Variants in ZNF578 observed in about 807,000 individuals in gnomAD.
ZNF578 encodes Putative chemokine-related protein B42.
ZNF578 carries 8 observed loss-of-function variants against 8.3 expected under a neutral mutation model. That is an observed-to-expected ratio of 0.96 (90% CI 0.56 to 1.74). The LOEUF (loss-of-function observed/expected upper bound fraction) is 1.74. ZNF578 is among the 40% of genes most tolerant of loss of function. The pLI is 0.00. For missense variants in ZNF578, 726 were observed against 707.5 expected (o/e 1.03, Z -0.30); for synonymous variants, 206 against 232.2 (o/e 0.89, Z 1.03).
intron 2 of ZNF578, among the ~76,000 whole-genome samples, chr19:52,483,655 A>G (rs1348356102): frequency 3.3e-5 from 5 of 152,080 alleles, no homozygotes; most frequent in Non-Finnish European, 4.4e-5. Context: ...CAGTTTATAA[A>G]TTTTCCCAGT....
intron 2 of ZNF578, among the ~76,000 whole-genome samples, chr19:52,471,945 T>TTACAAGG (rs11281209): frequency 6.6e-6 from 1 of 151,978 alleles, no homozygotes; most frequent in Non-Finnish European, 1.5e-5. Context: ...ATGTCACTAA[T>TTACAAGG]ACGAAAAAGA....
intron 3 of ZNF578, among the ~76,000 whole-genome samples, chr19:52,498,701 T>TTTTTTTTTTTTTA (rs1436867631): frequency 7.4e-6 from 1 of 134,608 alleles, no homozygotes; most frequent in African/African-American, 2.8e-5. Flanking sequence ...TTTTTTTTTT[T>TTTTTTTTTTTTTA]GTAAGACAGA....
intron 2 of ZNF578, among the ~76,000 whole-genome samples, chr19:52,487,959 C>CT (rs2059351399): frequency 3.4e-5 from 5 of 146,208 alleles, no homozygotes; most frequent in Admixed American, 6.8e-5. Context: ...AGCCCCCCCC[C>CT]CTTTTTTTTT....
At chr19:52,487,258 G>A (rs2059348944) in intron 2 of ZNF578, among the ~76,000 whole-genome samples, 1 of 152,126 alleles carries the variant, frequency 6.6e-6, no homozygotes, top group Admixed American at 6.5e-5. Flanking sequence ...GAGCCCAGGA[G>A]GTCCAGGCTG....
rs775124315 is a variant in ZNF578 at position 52,507,474 on chromosome 19, CTT to C, written c.190+2695_190+2696del. On this transcript the variant is annotated intron_variant, in intron 5 of 5. Coordinates refer to ENST00000421239, the MANE Select transcript of ZNF578 (RefSeq NM_001099694.2). ...TCACGAGGCTGAGGCACGAGACTCT[CTT>C]TAGGTAGGAGAATCGTGCCACTGCA... Among the ~76,000 whole-genome samples, 160 of 152,104 alleles carry C rather than the reference CTT, an allele frequency of 1.1e-3. 2 individuals are homozygous for C. Among genetic ancestry groups the C allele is most frequent in the Non-Finnish European group, 6.5e-4 (44 of 67,970 alleles).
intron 2 of ZNF578, among the ~76,000 whole-genome samples, chr19:52,469,306 G>GCC (rs2059284974): frequency 6.6e-6 from 1 of 151,802 alleles, no homozygotes; most frequent in African/African-American, 2.4e-5. Flanking sequence ...GACTACAGGT[G>GCC]TGCACCACCA....
Position 52,505,751 on chromosome 19 carries a change from A to C in ZNF578, c.190+970A>C, listed in dbSNP as rs137993354. Among the ~76,000 whole-genome samples, 675 of 152,106 alleles carry C rather than the reference A, an allele frequency of 4.4e-3. 5 individuals are homozygous for C. Among genetic ancestry groups the C allele is most frequent in the African/African-American group, 0.015 (640 of 41,524 alleles). ...TTGTTCATTTTTGACAAGAAAACCT[A>C]TGTTCAGTTTGTTGTAGGGTCAACC... On this transcript the variant is annotated intron_variant, in intron 5 of 5. Transcript: ENST00000421239.
chr19:52,488,405 A>G (rs1180937277), intron 2 of ZNF578, among the ~76,000 whole-genome samples: 1 of 151,900 alleles, frequency 6.6e-6, no homozygotes, highest in Non-Finnish European at 1.5e-5. Flanking sequence ...AAATACCAAA[A>G]TTTCCATCCT....
rs148549832 is a variant in ZNF578 at position 52,479,907 on chromosome 19, C to CTTTATTTA, written c.-121-11416_-121-11415insTTATTTAT. Among the ~76,000 whole-genome samples the CTTTATTTA allele has an allele frequency of 4.6e-3, 694 of 152,004 alleles. 11 individuals carry two copies. The highest frequency in any genetic ancestry group is 0.033 in the Admixed American group (497 of 15,272). ...AAAAAGTGGATTATGATTTTTTTATCTGTATTCATTTATTTATTTATTGAC... is the reference window on the plus strand; with the variant it reads ...AAAAAGTGGATTATGATTTTTTTATCTTTATTTATGTATTCATTTATTTATTTATTGAC... On this transcript the variant is annotated intron_variant, in intron 2 of 5. Coordinates refer to ENST00000421239, the MANE Select transcript of ZNF578 (RefSeq NM_001099694.2).
intron 2 of ZNF578, among the ~76,000 whole-genome samples, chr19:52,472,925 T>A (rs1473729663): frequency 7.2e-5 from 11 of 152,226 alleles, no homozygotes; most frequent in South Asian, 2.1e-4. Flanking sequence ...GTCATGAGGA[T>A]AAACATATTT....
chr19:52,501,990 A>G (rs1320695090), intron 4 of ZNF578, 82 bp downstream of exon 4: 1 of 1,540,370 alleles, frequency 6.5e-7, no homozygotes. Context: ...GTAGTAATGT[A>G]TTGTAACAGC....
At chr19:52,486,270 A>G (rs953920854) in intron 2 of ZNF578, among the ~76,000 whole-genome samples, 1 of 152,050 alleles carries the variant, frequency 6.6e-6, no homozygotes, top group Non-Finnish European at 1.5e-5. Context: ...CTTCCCCACT[A>G]TTACCCTATT....
At chr19:52,476,653 A>T (rs2059309258) in intron 2 of ZNF578, among the ~76,000 whole-genome samples, 1 of 152,218 alleles carries the variant, frequency 6.6e-6, no homozygotes, top group African/African-American at 2.4e-5. Flanking sequence ...CCATAAATTG[A>T]TAGCTATATT....
chr19:52,472,914 T>C (rs1370857842), intron 2 of ZNF578, among the ~76,000 whole-genome samples: 6 of 152,228 alleles, frequency 3.9e-5, no homozygotes, highest in African/African-American at 1.4e-4. Context: ...GTACACATCA[T>C]GTCATGAGGA....
At chr19:52,473,634 C>A in intron 2 of ZNF578, 1 of 199,908 alleles carries the variant, frequency 5.0e-6, no homozygotes, top group Non-Finnish European at 1.0e-5. Flanking sequence ...AAGGCTCTGC[C>A]ACATTCGTTA....
chr19:52,503,194 T>A (rs761037885), intron 4 of ZNF578, among the ~76,000 whole-genome samples: 17 of 152,222 alleles, frequency 1.1e-4, no homozygotes, highest in Non-Finnish European at 2.1e-4. Flanking sequence ...CTGGCCTTAT[T>A]TTTTATATTG....
chr19:52,468,807 C>T (rs1450332123), intron 2 of ZNF578, among the ~76,000 whole-genome samples: 3 of 152,110 alleles, frequency 2.0e-5, no homozygotes, highest in Non-Finnish European at 4.4e-5. Flanking sequence ...TTTCTTCTTC[C>T]CATGCTGGAT....
At chr19:52,508,297 C>A (rs912787260) in intron 5 of ZNF578, among the ~76,000 whole-genome samples, 1 of 150,336 alleles carries the variant, frequency 6.7e-6, no homozygotes, top group Non-Finnish European at 1.5e-5. Flanking sequence ...TGAGCCGAGA[C>A]TGTACCACTG....
chr19:52,513,622 CA>C lies in ZNF578; in HGVS notation c.*1469del, dbSNP rs939928727. Among the ~76,000 whole-genome samples, 1 of 150,308 alleles carries C rather than the reference CA, an allele frequency of 6.7e-6. No individual in the cohort carries two copies. Among genetic ancestry groups the C allele is most frequent in the Non-Finnish European group, 1.5e-5 (1 of 67,844 alleles). Reference sequence around the variant, plus strand: ...GTGGGCACCTGTAGTCTCAGCTACTCAGGGGGCTGAGGCTGGACAATGGTGT... The same window carrying C: ...GTGGGCACCTGTAGTCTCAGCTACTCGGGGGCTGAGGCTGGACAATGGTGT... On this transcript the variant is annotated 3_prime_UTR_variant, in exon 6 of 6. Transcript: ENST00000421239.
Sources: allele counts gnomAD v4.1 joint callset (sites outside exome capture counted in the v4.1 genomes callset), GRCh38; gene constraint gnomAD v4.1.1; transcripts MANE v1.5; gene names NCBI Gene and HGNC (gene_info 2026-07-23, HGNC 2026-07-21).